The following EML4 variants were observed in gnomAD, a reference collection of about 807,000 sequenced individuals.
EML4 encodes the protein EMAP like 4, also known as echinoderm microtubule-associated protein-like 4.
Under a neutral mutation model 129.0 loss-of-function variants are expected in EML4, and 72 were observed. That is an observed-to-expected ratio of 0.56 (90% CI 0.46 to 0.68). The LOEUF (loss-of-function observed/expected upper bound fraction) is 0.68. Ranked by LOEUF, EML4 falls within the 30% of genes least tolerant of loss-of-function variation. EML4 has a pLI of 0.00. For synonymous variants in EML4, 532 were observed against 405.0 expected, an observed-to-expected ratio of 1.31 and a Z score of -3.77; for missense variants, 1,363 against 1,190.6, an observed-to-expected ratio of 1.14 and a Z score of -2.13.
intron 19 of EML4, among the ~76,000 whole-genome samples, chr2:42,324,444 T>TCTGCA (rs1669682653): frequency 6.6e-6 from 1 of 152,146 alleles, no homozygotes; most frequent in South Asian, 2.1e-4. Context: ...GGTGAAACCT[T>TCTGCA]GTCTCTGCAG....
intron 1 of EML4, among the ~76,000 whole-genome samples, chr2:42,241,508 G>A (rs1247248492): frequency 2.0e-5 from 3 of 152,112 alleles, no homozygotes; most frequent in Admixed American, 2.0e-4. Flanking sequence ...CCTAACATAG[G>A]CCATCATCAC....
intron 6 of EML4, among the ~76,000 whole-genome samples, chr2:42,279,781 T>TTTA (rs550761104): frequency 4.8e-4 from 72 of 151,280 alleles, no homozygotes; most frequent in Non-Finnish European, 5.5e-4. Context: ...GCTGTCTTTT[T>TTTA]TTATTATTAT....
At chr2:42,264,485 G>A (rs184901874) in intron 5 of EML4, among the ~76,000 whole-genome samples, 4 of 152,072 alleles carry the variant, frequency 2.6e-5, no homozygotes, top group Non-Finnish European at 4.4e-5. Context: ...TGCTTTCACT[G>A]TTTAGATGCT....
At chr2:42,269,483 G>A (rs540293773) in intron 6 of EML4, among the ~76,000 whole-genome samples, 1 of 152,302 alleles carries the variant, frequency 6.6e-6, no homozygotes, top group Non-Finnish European at 1.5e-5. Context: ...GTTGAACTGT[G>A]TGGAACTTAC....
intron 1 of EML4, among the ~76,000 whole-genome samples, chr2:42,217,332 T>G (rs1373293668): frequency 2.0e-5 from 3 of 152,208 alleles, no homozygotes; most frequent in Non-Finnish European, 4.4e-5. Context: ...TCTAAGTTTT[T>G]TTTTCAGAGA....
Position 42,187,588 on chromosome 2 carries a change from A to C in EML4, c.25+17952A>C, listed in dbSNP as rs1671334922. Among the ~76,000 whole-genome samples, 5 of 152,308 alleles carry C rather than the reference A, an allele frequency of 3.3e-5. No homozygotes were observed. In the South Asian group the frequency reaches 1.0e-3, roughly 32 times the overall value. Reference sequence around the variant, plus strand: ...TGTTACGAATAAAGCTGCAGTGAACATTTGAGTATACATCTTCTTTCAGGC... The same window carrying C: ...TGTTACGAATAAAGCTGCAGTGAACCTTTGAGTATACATCTTCTTTCAGGC... On this transcript the variant is annotated intron_variant, in intron 1 of 22. Coordinates refer to ENST00000318522, the MANE Select transcript of EML4 (RefSeq NM_019063.5).
At chr2:42,290,454 C>T (rs560583826) in intron 11 of EML4, among the ~76,000 whole-genome samples, 1 of 151,770 alleles carries the variant, frequency 6.6e-6, no homozygotes, top group East Asian at 1.9e-4. Flanking sequence ...GGCCTGGGTG[C>T]TGTGGCTCAC....
Position 42,263,213 on chromosome 2 carries a change from A to T in EML4, c.548A>T (p.Asn183Ile). Residue 183 changes from asparagine to isoleucine, a missense_variant, in exon 5 of 23, where the codon AAT becomes ATT. Asn to Ile is a moderately radical substitution (Grantham distance 149). Coordinates refer to ENST00000318522, the MANE Select transcript of EML4 (RefSeq NM_019063.5). ...KRPSPAEKSH[N>I]SWENSDDSRN... ...CCATCACCAGCTGAAAAGTCACATA[A>T]TTCTTGGGAAAATTCAGATGATAGC... 1 of 1,613,124 alleles carries T rather than the reference A, an allele frequency of 6.2e-7. No individual in the cohort carries two copies. The highest frequency in any genetic ancestry group is 1.1e-5 in the South Asian group (1 of 90,810).
chr2:42,314,482 G>T (rs917498703), intron 17 of EML4, among the ~76,000 whole-genome samples: 1 of 152,164 alleles, frequency 6.6e-6, no homozygotes, highest in Non-Finnish European at 1.5e-5. Context: ...TCAGGTAAGA[G>T]AAACAGAATT....
intron 1 of EML4, among the ~76,000 whole-genome samples, chr2:42,213,340 G>T (rs769084850): frequency 1.3e-5 from 2 of 152,120 alleles, no homozygotes; most frequent in Non-Finnish European, 2.9e-5. Context: ...GAATCACACA[G>T]TATGGCTTCT....
rs768594279 is a variant in EML4 at position 42,263,142 on chromosome 2, C to G, written c.513-36C>G. On this transcript the variant is annotated intron_variant, in intron 4 of 22. Transcript: ENST00000318522. ...TTGTCAGTTACATGTCTTTGATACT[C>G]AGAATTTTTCTCTAAGAAATTAATG... 3.8e-6 allele frequency: 6 copies of G among 1,574,974 alleles called. No homozygotes were observed. The Admixed American group carries it at 9.2e-5, about 24-fold the overall frequency.
At chr2:42,206,475 A>T (rs764584327) in intron 1 of EML4, among the ~76,000 whole-genome samples, 1 of 152,196 alleles carries the variant, frequency 6.6e-6, no homozygotes, top group African/African-American at 2.4e-5. Flanking sequence ...ATGACCTCCC[A>T]AAGTGTTGGG....
intron 14 of EML4, 112 bp from the exon 15 acceptor site, chr2:42,302,992 T>C: frequency 1.0e-6 from 1 of 958,270 alleles, no homozygotes; most frequent in Non-Finnish European, 1.6e-6. Flanking sequence ...ATATCCAAAT[T>C]TGGGCTTTCG....
At chr2:42,178,882 T>A (rs575178932) in intron 1 of EML4, among the ~76,000 whole-genome samples, 1 of 152,356 alleles carries the variant, frequency 6.6e-6, no homozygotes, top group East Asian at 1.9e-4. Context: ...TATTTAACTT[T>A]AAAATTTATA....
chr2:42,298,103 A>G (rs1380554222), intron 13 of EML4, among the ~76,000 whole-genome samples: 5 of 152,240 alleles, frequency 3.3e-5, no homozygotes, highest in Admixed American at 2.0e-4. Context: ...CAGAACCATT[A>G]AAATGTTCAC....
intron 5 of EML4, among the ~76,000 whole-genome samples, chr2:42,264,277 A>T (rs1334623438): frequency 6.6e-6 from 1 of 151,792 alleles, no homozygotes; most frequent in African/African-American, 2.4e-5. Context: ...ACCATGCCCA[A>T]CTAATGTTTT....
At chr2:42,202,246 A>G (rs1028110064) in intron 1 of EML4, among the ~76,000 whole-genome samples, 1 of 152,152 alleles carries the variant, frequency 6.6e-6, no homozygotes, top group Non-Finnish European at 1.5e-5. Context: ...GTAGTTAGTA[A>G]TAAGGTATTG....
intron 19 of EML4, among the ~76,000 whole-genome samples, chr2:42,320,899 A>G (rs991583516): frequency 1.3e-5 from 2 of 152,204 alleles, no homozygotes; most frequent in Admixed American, 6.5e-5. Context: ...GGAGTAGGCA[A>G]GAAGTGCTGG....
At chr2:42,264,342 T>C (rs1665932622) in intron 5 of EML4, among the ~76,000 whole-genome samples, 1 of 152,014 alleles carries the variant, frequency 6.6e-6, no homozygotes, top group Admixed American at 6.6e-5. Flanking sequence ...GGTCTTAAAC[T>C]CCTGGGCTCA....
Sources: gnomAD v4.1 joint callset for allele counts (sites outside exome capture counted in the v4.1 genomes callset) on GRCh38, gnomAD v4.1.1 for gene constraint, MANE v1.5 for transcripts, NCBI Gene and HGNC (gene_info 2026-07-23, HGNC 2026-07-21) for gene names.